Variants in ABCD2 observed in about 807,000 individuals in gnomAD.
ABCD2 encodes ATP-binding cassette sub-family D member 2.
ABCD2 carries 36 observed loss-of-function variants against 70.9 expected under a neutral mutation model. The observed-to-expected ratio is 0.51, with a 90% CI of 0.39 to 0.67. ABCD2 has a LOEUF of 0.67. ABCD2 is among the 30% of genes least tolerant of loss of function. The probability of loss-of-function intolerance (pLI) is 0.00; values close to 1 mark genes in which losing one functional copy is unlikely to be tolerated. For missense variants in ABCD2, 729 were observed against 890.2 expected (o/e 0.82, Z 2.30); for synonymous variants, 304 against 306.9 (o/e 0.99, Z 0.10).
At chr12:39,592,260 A>T (rs1941756461) in intron 6 of ABCD2, among the ~76,000 whole-genome samples, 1 of 152,248 alleles carries the variant, frequency 6.6e-6, no homozygotes, top group African/African-American at 2.4e-5. Context: ...AATTTTCTAA[A>T]AAAGGACATG....
intron 6 of ABCD2, among the ~76,000 whole-genome samples, chr12:39,591,715 A>G (rs938578015): frequency 2.0e-5 from 3 of 152,200 alleles, no homozygotes; most frequent in African/African-American, 7.2e-5. Flanking sequence ...CTGTCTCAAT[A>G]AGTAAATAAA....
the ABCD2 span, among the ~76,000 whole-genome samples, chr12:39,544,602 C>T: frequency 6.6e-6 from 1 of 152,174 alleles, no homozygotes; most frequent in East Asian, 1.9e-4. Flanking sequence ...AGATCTCTTT[C>T]ACTGTCTCCG....
At chr12:39,532,780 CTATAA>C in the ABCD2 span, among the ~76,000 whole-genome samples, 8 of 152,184 alleles carry the variant, frequency 5.3e-5, no homozygotes, top group South Asian at 6.2e-4. Flanking sequence ...AAGAAAATAT[CTATAA>C]TATATTAGAT....
chr12:39,610,773 C>T lies in ABCD2; in HGVS notation c.1121-3059G>A, dbSNP rs188199348. On this transcript the variant is annotated intron_variant, in intron 2 of 9. Transcript: ENST00000308666. The stretch of plus-strand genomic sequence containing the variant: ...TTAGCAATAAAATAATAAAAGCTTC[C>T]TCCAGATCAGATTTTATGTGGCTTT... 4.4e-3 allele frequency among the ~76,000 whole-genome samples: 669 copies of T among 152,266 alleles called. 4 individuals are homozygous for T. The highest frequency in any genetic ancestry group is 0.01 in the Admixed American group (155 of 15,288).
intron 6 of ABCD2, among the ~76,000 whole-genome samples, chr12:39,598,223 C>T (rs1376409908): frequency 6.6e-6 from 1 of 152,138 alleles, no homozygotes; most frequent in Non-Finnish European, 1.5e-5. Context: ...GAGATTCATC[C>T]TCTACCCAGA....
chr12:39,615,579 CAAAT>C (rs1217116822), intron 2 of ABCD2, among the ~76,000 whole-genome samples: 3 of 151,768 alleles, frequency 2.0e-5, no homozygotes, highest in Non-Finnish European at 4.4e-5. Flanking sequence ...CAGTGGTCTA[CAAAT>C]AGTGTCTATT....
At chr12:39,613,470 T>C (rs1942075325) in intron 2 of ABCD2, among the ~76,000 whole-genome samples, 1 of 151,396 alleles carries the variant, frequency 6.6e-6, no homozygotes, top group African/African-American at 2.4e-5. Context: ...ATTTCAGTCA[T>C]TCTCTTAATA....
At chr12:39,556,654 T>G (rs1297525136) in intron 9 of ABCD2, among the ~76,000 whole-genome samples, 6 of 152,144 alleles carry the variant, frequency 3.9e-5, no homozygotes, top group Admixed American at 6.5e-5. Context: ...GAAAACAGAC[T>G]AATACAGTAA....
Position 39,587,286 on chromosome 12 carries a change from T to C in ABCD2, c.1647-989A>G, listed in dbSNP as rs577515484. Among the ~76,000 whole-genome samples the C allele has an allele frequency of 2.6e-5, 4 of 152,300 alleles. No homozygotes were observed. In the East Asian group the frequency reaches 7.7e-4, roughly 29 times the overall value. ...GTGATTTCCATGATATATTGTTAAGTTGAAAAGCAAAATGCAAAAGTAGAC... is the reference window on the plus strand; with the variant it reads ...GTGATTTCCATGATATATTGTTAAGCTGAAAAGCAAAATGCAAAAGTAGAC... On this transcript the variant is annotated intron_variant, in intron 6 of 9. Transcript: ENST00000308666.
chr12:39,538,187 T>TTTA, the ABCD2 span, among the ~76,000 whole-genome samples: 1 of 150,074 alleles, frequency 6.7e-6, no homozygotes, highest in Admixed American at 6.6e-5. Flanking sequence ...TTTTTTTTTT[T>TTTA]GAGGTGGAGT....
At chr12:39,548,892 G>T (rs528373713), downstream of ABCD2, among the ~76,000 whole-genome samples, 2 of 151,360 alleles carry the variant, frequency 1.3e-5, no homozygotes, top group South Asian at 4.2e-4. Context: ...TTCTATATTG[G>T]GTCACAAGTA....
chr12:39,602,795 A>G (rs1941918141), intron 5 of ABCD2, among the ~76,000 whole-genome samples: 1 of 152,208 alleles, frequency 6.6e-6, no homozygotes, highest in Non-Finnish European at 1.5e-5. Context: ...AGCTCAAGCC[A>G]TGTACACTAT....
intron 9 of ABCD2, among the ~76,000 whole-genome samples, chr12:39,560,623 C>G (rs1016792197): frequency 6.6e-6 from 1 of 151,418 alleles, no homozygotes; most frequent in Non-Finnish European, 1.5e-5. Context: ...TTTGTATATA[C>G]TTTAACAACT....
chr12:39,608,141 C>G (rs543661592), intron 2 of ABCD2, among the ~76,000 whole-genome samples: 1 of 151,570 alleles, frequency 6.6e-6, no homozygotes, highest in African/African-American at 2.4e-5. Flanking sequence ...GGACTCCAGC[C>G]TGGGCCACAG....
the ABCD2 span, among the ~76,000 whole-genome samples, chr12:39,537,137 AC>A: frequency 6.6e-6 from 1 of 150,860 alleles, no homozygotes; most frequent in Non-Finnish European, 1.5e-5. Flanking sequence ...AATTTCCTAG[AC>A]CCCCTCCGCA....
chr12:39,619,359 T>A lies in ABCD2; in HGVS notation c.257A>T (p.Lys86Ile), dbSNP rs1334113735. 1 of 1,614,042 alleles carries A rather than the reference T, an allele frequency of 6.2e-7. No homozygotes were observed. Among genetic ancestry groups the A allele is most frequent in the East Asian group, 2.2e-5 (1 of 44,856 alleles). ...PSPGVNADFF[K>I]QLLELRKILF... ...AATTTTCCGAAGTTCTAGTAGCTGT[T>A]TGAAGAAATCTGCATTCACTCCAGG... The change falls in exon 1 of 10, where the codon AAA becomes ATA. Residue 86 changes from lysine to isoleucine, a missense_variant. By Grantham distance (102) the Lys-to-Ile change is moderately radical (BLOSUM62 -3). Transcript: ENST00000308666.
At chr12:39,610,005 T>C (rs1942023927) in intron 2 of ABCD2, among the ~76,000 whole-genome samples, 1 of 152,068 alleles carries the variant, frequency 6.6e-6, no homozygotes, top group Admixed American at 6.6e-5. Flanking sequence ...TGCAAGGTGT[T>C]TGGAGAGGGC....
Position 39,612,440 on chromosome 12 carries a change from T to C in ABCD2, c.1120+4548A>G, listed in dbSNP as rs150980248. On this transcript the variant is annotated intron_variant, in intron 2 of 9. Coordinates refer to ENST00000308666, the MANE Select transcript of ABCD2 (RefSeq NM_005164.4). ...TACTCAGTAACACTGATGAAGCTCA[T>C]AAGCATAATACTGAGTCAAAGAAGC... Among the ~76,000 whole-genome samples the C allele has an allele frequency of 9.4e-3, 1,427 of 152,302 alleles. 11 individuals carry two copies. The highest frequency in any genetic ancestry group is 0.014 in the Non-Finnish European group (935 of 68,000).
At chr12:39,584,988 C>G (rs1026575929) in intron 7 of ABCD2, among the ~76,000 whole-genome samples, 2 of 152,134 alleles carry the variant, frequency 1.3e-5, no homozygotes, top group African/African-American at 4.8e-5. Flanking sequence ...TTAGGATTAC[C>G]TTGGCTATTC....
Sources: allele counts gnomAD v4.1 joint callset (sites outside exome capture counted in the v4.1 genomes callset), GRCh38; gene constraint gnomAD v4.1.1; transcripts MANE v1.5; gene names NCBI Gene and HGNC (gene_info 2026-07-23, HGNC 2026-07-21).